Variants in RHOA observed in about 807,000 individuals in gnomAD.
RHOA encodes transforming protein RhoA.
RHOA carries 3 observed loss-of-function variants against 17.5 expected under a neutral mutation model. The observed-to-expected ratio is 0.17, with a 90% CI of 0.08 to 0.44. The LOEUF is 0.44. RHOA is among the 20% of genes least tolerant of loss of function. The pLI is 0.99. For synonymous variants in RHOA, 98 were observed against 88.4 expected, an observed-to-expected ratio of 1.11 and a Z score of -0.61; for missense variants, 56 against 242.3, an observed-to-expected ratio of 0.23 and a Z score of 5.10.
chr3:49,373,081 T>C (rs1187195856), intron 2 of RHOA, among the ~76,000 whole-genome samples: 1 of 152,178 alleles, frequency 6.6e-6, no homozygotes, highest in Admixed American at 6.5e-5. Context: ...CGGTGGCTCA[T>C]GCATGTAATC....
chr3:49,391,385 C>T, intron 1 of RHOA, among the ~76,000 whole-genome samples: 1 of 136,630 alleles, frequency 7.3e-6, no homozygotes, highest in East Asian at 1.9e-4. Flanking sequence ...GAGTGAGAAT[C>T]CGTCAAAAAA....
intron 1 of RHOA, among the ~76,000 whole-genome samples, chr3:49,390,747 A>G (rs1461705441): frequency 1.3e-5 from 2 of 152,176 alleles, no homozygotes; most frequent in Non-Finnish European, 2.9e-5. Flanking sequence ...AACTGAAAAA[A>G]TCTATTTCAG....
rs1228820355 is a variant in RHOA at position 49,398,967 on chromosome 3, GAATTGCTGCCTCGGGAGGC to G, written c.-3+12834_-3+12852del. On this transcript the variant is annotated intron_variant, in intron 1 of 4. Coordinates refer to ENST00000418115, the MANE Select transcript of RHOA (RefSeq NM_001664.4). ...AGTTATTTGGGAGACTGAGACAGGA[GAATTGCTGCCTCGGGAGGC>G]AGAGGTTGCAGTTAGCTGAGACTGT... Among the ~76,000 whole-genome samples the G allele has an allele frequency of 2.6e-4, 37 of 143,628 alleles. 3 individuals are homozygous for G. The allele number at this position is 143,628 out of a possible 152,430, so 94.2% of individuals were successfully genotyped here. A position where few individuals can be genotyped will look rare whatever the true frequency, so the allele number is the denominator to read the frequency against.
chr3:49,395,023 G>A (rs2048589224), intron 1 of RHOA, among the ~76,000 whole-genome samples: 1 of 151,954 alleles, frequency 6.6e-6, no homozygotes. Flanking sequence ...GCCGAGGCGG[G>A]CAGATCACGA....
Position 49,380,434 on chromosome 3 carries a change from A to G in RHOA, c.-2-4843T>C, listed in dbSNP as rs530481233. Among the ~76,000 whole-genome samples, 17 of 152,264 alleles carry G rather than the reference A, an allele frequency of 1.1e-4. 2 individuals are homozygous for G. In the South Asian group the frequency reaches 3.1e-3, roughly 28 times the overall value. ...CTAAATTATATACACTCAGCTGGGC[A>G]TGGTGATTCACGCCTGTAATCCCAG... On this transcript the variant is annotated intron_variant, in intron 1 of 4. Transcript: ENST00000418115.
At chr3:49,395,441 C>T (rs1267494898) in intron 1 of RHOA, among the ~76,000 whole-genome samples, 1 of 151,882 alleles carries the variant, frequency 6.6e-6, no homozygotes, top group Non-Finnish European at 1.5e-5. Flanking sequence ...CCGGGCACGG[C>T]TGTTCACACC....
chr3:49,383,816 G>A (rs1308379632), intron 1 of RHOA, among the ~76,000 whole-genome samples: 1 of 152,104 alleles, frequency 6.6e-6, no homozygotes, highest in Non-Finnish European at 1.5e-5. Flanking sequence ...GATCACTTGA[G>A]GTCAGGAGTT....
At position 49,365,763 on chromosome 3, in the gene RHOA, G is replaced by A. The variant is rs1025086833; in HGVS notation, c.277+2665C>T. Among the ~76,000 whole-genome samples the A allele has an allele frequency of 4.0e-5, 6 of 151,536 alleles. No individual in the cohort carries two copies. In the Admixed American group the frequency reaches 4.0e-4, roughly 10 times the overall value. ...ATGCCACCATACTTGGCTAAGTTTT[G>A]TATTTTTAGTAGCGACAGGATTTCA... is the stretch of plus-strand genomic sequence containing the variant. On this transcript the variant is annotated intron_variant, in intron 3 of 4. Transcript: ENST00000418115.
intron 3 of RHOA, among the ~76,000 whole-genome samples, chr3:49,366,171 T>C (rs764717069): frequency 8.5e-5 from 13 of 152,162 alleles, no homozygotes; most frequent in Admixed American, 7.2e-4. Context: ...CTCATTCCAA[T>C]AGGATCTAGG....
At chr3:49,363,078 A>C (rs2047996888) in intron 3 of RHOA, among the ~76,000 whole-genome samples, 1 of 152,192 alleles carries the variant, frequency 6.6e-6, no homozygotes, top group Non-Finnish European at 1.5e-5. Context: ...ATCAACTCTC[A>C]GCATAACTTC....
At chr3:49,383,466 T>C (rs1258720933) in intron 1 of RHOA, among the ~76,000 whole-genome samples, 2 of 151,838 alleles carry the variant, frequency 1.3e-5, no homozygotes, top group Non-Finnish European at 2.9e-5. Context: ...TAGTTCAACA[T>C]GCCCACAATA....
At chr3:49,396,614 G>C (rs1055318383) in intron 1 of RHOA, among the ~76,000 whole-genome samples, 1 of 152,078 alleles carries the variant, frequency 6.6e-6, no homozygotes, top group Non-Finnish European at 1.5e-5. Context: ...GGCTGAGGCA[G>C]GAGAATCGCT....
intron 3 of RHOA, among the ~76,000 whole-genome samples, chr3:49,363,370 A>C (rs1423265492): frequency 6.6e-6 from 1 of 152,114 alleles, no homozygotes; most frequent in African/African-American, 2.4e-5. Flanking sequence ...CCATGAGCTG[A>C]GATCGCGCCA....
intron 1 of RHOA, 67 bp from the exon 2 acceptor site, chr3:49,375,658 C>T (rs1031699944): frequency 2.0e-6 from 3 of 1,528,070 alleles, no homozygotes; most frequent in Non-Finnish European, 2.7e-6. Context: ...CAGGATGACA[C>T]ATGCTTTGGT....
chr3:49,386,353 A>G (rs1453099643), intron 1 of RHOA, among the ~76,000 whole-genome samples: 1 of 152,182 alleles, frequency 6.6e-6, no homozygotes, highest in African/African-American at 2.4e-5. Context: ...GTAGAAGAGG[A>G]AAAATATAAG....
rs2107849911 is a variant in RHOA, at chr3:49,375,536, C to T, written c.54G>A (p.Lys18=). 2.5e-6 allele frequency: 4 copies of T among 1,614,142 alleles called. No individual in the cohort carries two copies. Among genetic ancestry groups the T allele is most frequent in the Non-Finnish European group, 3.4e-6 (4 of 1,180,006 alleles). ...LVIVGDGACG[K]TCLLIVFSKD... is the part of the protein sequence containing the mutation. ...TGCTGAAGACTATGAGCAAGCATGT[C>T]TTTCCACAGGCTCCATCACCAACAA... The change falls in exon 2 of 5, where the codon AAG becomes AAA. Residue 18 remains lysine (K), a synonymous_variant. Transcript: ENST00000418115.
Position 49,368,654 on chromosome 3 carries a change from G to A in RHOA, c.157-106C>T, listed in dbSNP as rs2048097096. 6 of 1,214,392 alleles carry A rather than the reference G, an allele frequency of 4.9e-6. No individual in the cohort carries two copies. The South Asian group carries it at 7.6e-5, about 15-fold the overall frequency. The allele number at this position is 1,214,392 out of a possible 1,614,324, so 75.2% of individuals were successfully genotyped here. ...CATTGAAATGGCAGACCATTGAAAT[G>A]GCAGACGGTCTAAAACAGTAAAACA... is the stretch of plus-strand genomic sequence containing the variant. On this transcript the variant is annotated intron_variant, in intron 2 of 4. Transcript: ENST00000418115.
In RHOA at chr3:49,410,285, A is replaced by C. The variant is rs543374601; in HGVS notation, c.-3+1535T>G. On this transcript the variant is annotated intron_variant, in intron 1 of 4. Transcript: ENST00000418115. Reference sequence around the variant, plus strand: ...TAGGTAACCTTGGGAAATTTACTTAAGTCTCTGGGACTCAGTTTGCTCATC... The same window carrying C: ...TAGGTAACCTTGGGAAATTTACTTACGTCTCTGGGACTCAGTTTGCTCATC... Among the ~76,000 whole-genome samples, 32 of 152,276 alleles carry C rather than the reference A, an allele frequency of 2.1e-4. No homozygotes were observed. The East Asian group carries it at 5.8e-3, about 28-fold the overall frequency.
intron 1 of RHOA, among the ~76,000 whole-genome samples, chr3:49,402,361 A>G (rs1371895452): frequency 1.3e-5 from 2 of 152,164 alleles, no homozygotes; most frequent in Non-Finnish European, 2.9e-5. Context: ...ACCTTATTGC[A>G]GGAGTTTACT....
Sources: allele counts gnomAD v4.1 joint callset (sites outside exome capture counted in the v4.1 genomes callset), GRCh38; gene constraint gnomAD v4.1.1; transcripts MANE v1.5; gene names NCBI Gene and HGNC (gene_info 2026-07-23, HGNC 2026-07-21).